Variants in HESX1 observed in about 807,000 individuals in gnomAD.
HESX1 encodes homeobox expressed in ES cells 1.
In HESX1, 11 loss-of-function variants were observed where a neutral mutation model predicts 22.5. The observed-to-expected ratio is 0.49, with a 90% CI of 0.31 to 0.81. HESX1 has a LOEUF of 0.81. Ranked by LOEUF, HESX1 falls within the 30% of genes least tolerant of loss-of-function variation. HESX1 has a pLI of 0.05. For synonymous variants in HESX1, 74 were observed against 76.5 expected (o/e 0.97, Z 0.17); for missense variants, 201 against 212.6 (o/e 0.95, Z 0.34).
chr3:57,198,891 G>A lies in HESX1; in HGVS notation c.219C>T (p.Ser73=), dbSNP rs748972176. 2.2e-5 allele frequency: 36 copies of A among 1,613,924 alleles called. No homozygotes were observed. Among genetic ancestry groups the A allele is most frequent in the African/African-American group, 4.0e-5 (3 of 74,886 alleles). Residue 73 remains serine, a synonymous_variant, in exon 2 of 4, where the codon AGC becomes AGT. Coordinates refer to ENST00000295934, the MANE Select transcript of HESX1 (RefSeq NM_003865.3). ...CTTCTGGCATTGGGTGATCCACCAC[G>A]CTAGGGAATGAAATCCCACTGGGAG... ...PNPPSGISFP[S]VVDHPMPEER...
chr3:57,211,130 A>T (rs921549859), intron 1 of HESX1, among the ~76,000 whole-genome samples: 1 of 151,216 alleles, frequency 6.6e-6, no homozygotes, highest in East Asian at 2.0e-4. Flanking sequence ...AGGCAGGCGA[A>T]TCGCTTGAAC....
At chr3:57,219,280 A>G (rs1285272143) in intron 1 of HESX1, among the ~76,000 whole-genome samples, 1 of 152,104 alleles carries the variant, frequency 6.6e-6, no homozygotes, top group Non-Finnish European at 1.5e-5. Flanking sequence ...CAGTTCTCTA[A>G]TGATCAATGA....
chr3:57,223,290 G>A (rs1434486484), intron 1 of HESX1, among the ~76,000 whole-genome samples: 1 of 152,138 alleles, frequency 6.6e-6, no homozygotes, highest in Non-Finnish European at 1.5e-5. Flanking sequence ...TTGTGTTAAA[G>A]TTCTTGGCCT....
chr3:57,215,862 C>A (rs114270081), intron 1 of HESX1, among the ~76,000 whole-genome samples: 296 of 152,278 alleles, frequency 1.9e-3, no homozygotes, highest in African/African-American at 6.8e-3. Flanking sequence ...GGTCTATTCA[C>A]GATTATAGCT....
intron 1 of HESX1, among the ~76,000 whole-genome samples, chr3:57,218,785 T>C (rs1236908642): frequency 6.6e-6 from 1 of 152,186 alleles, no homozygotes; most frequent in Non-Finnish European, 1.5e-5. Context: ...CTGTGGTGTA[T>C]ATGTACCAAA....
At chr3:57,213,155 C>A in intron 1 of HESX1, among the ~76,000 whole-genome samples, 1 of 152,072 alleles carries the variant, frequency 6.6e-6, no homozygotes, top group South Asian at 2.1e-4. Flanking sequence ...TCAATCTATA[C>A]CCCAGATAAT....
chr3:57,220,424 GTTTA>G (rs998572867), intron 1 of HESX1, among the ~76,000 whole-genome samples: 18 of 151,984 alleles, frequency 1.2e-4, no homozygotes, highest in African/African-American at 3.9e-4. Flanking sequence ...TTTGCCATTT[GTTTA>G]TTTATTTATT....
chr3:57,200,163 AG>A (rs2060477157), upstream of HESX1: 20 of 504,926 alleles, frequency 4.0e-5, 1 homozygote, highest in South Asian at 3.6e-4. Flanking sequence ...TGGCTACACC[AG>A]GGGGGCCACC....
chr3:57,214,165 T>G (rs1250050207), intron 1 of HESX1, among the ~76,000 whole-genome samples: 1 of 152,176 alleles, frequency 6.6e-6, no homozygotes, highest in Non-Finnish European at 1.5e-5. Flanking sequence ...GATGTCTGGG[T>G]TTTGCTTTCA....
intron 2 of HESX1, 97 bp downstream of exon 2, chr3:57,198,656 G>C: frequency 8.5e-7 from 1 of 1,169,982 alleles, no homozygotes; most frequent in Middle Eastern, 2.8e-4. Context: ...CATTAATAAG[G>C]CTTCTAAACT....
At chr3:57,201,861 A>C (rs964755617), upstream of HESX1, among the ~76,000 whole-genome samples, 9 of 146,438 alleles carry the variant, frequency 6.1e-5, no homozygotes, top group Middle Eastern at 3.5e-3. Context: ...TTACATATCT[A>C]TATCTATCTA....
At chr3:57,223,368 T>C (rs2107587070) in intron 1 of HESX1, among the ~76,000 whole-genome samples, 1 of 152,316 alleles carries the variant, frequency 6.6e-6, no homozygotes, top group East Asian at 1.9e-4. Context: ...AACAAAAGCA[T>C]ATACAATTTT....
At chr3:57,206,940 C>T (rs532797535) in intron 1 of HESX1, among the ~76,000 whole-genome samples, 1 of 152,202 alleles carries the variant, frequency 6.6e-6, no homozygotes, top group African/African-American at 2.4e-5. Flanking sequence ...CCATTCTATC[C>T]TTCCTCAGTA....
chr3:57,208,907 C>T (rs2060535277), intron 1 of HESX1, among the ~76,000 whole-genome samples: 2 of 151,642 alleles, frequency 1.3e-5, no homozygotes, highest in African/African-American at 4.8e-5. Context: ...TTGCAGTGAG[C>T]TGATATCATG....
At chr3:57,199,368 TA>T (rs2060468829) in intron 1 of HESX1, among the ~76,000 whole-genome samples, 1 of 152,008 alleles carries the variant, frequency 6.6e-6, no homozygotes, top group African/African-American at 2.4e-5. Flanking sequence ...CCTGTAATCC[TA>T]ACACTTTGGG....
chr3:57,206,120 G>A (rs888564221), intron 1 of HESX1, among the ~76,000 whole-genome samples: 1 of 152,206 alleles, frequency 6.6e-6, no homozygotes, highest in Admixed American at 6.5e-5. Context: ...GAATCCAGGA[G>A]GCAGAGGTGG....
chr3:57,213,891 A>G (rs1232645890), intron 1 of HESX1, among the ~76,000 whole-genome samples: 1 of 152,224 alleles, frequency 6.6e-6, no homozygotes, highest in Admixed American at 6.5e-5. Context: ...ACTGTACTCC[A>G]GCTTGGGCAA....
At chr3:57,209,595 C>A (rs553466841) in intron 1 of HESX1, among the ~76,000 whole-genome samples, 43 of 149,472 alleles carry the variant, frequency 2.9e-4, no homozygotes, top group African/African-American at 8.6e-4. Flanking sequence ...TGAGATCACA[C>A]CATTGCACTC....
chr3:57,214,735 T>G (rs1410414695), intron 1 of HESX1, among the ~76,000 whole-genome samples: 1 of 152,172 alleles, frequency 6.6e-6, no homozygotes, highest in Non-Finnish European at 1.5e-5. Flanking sequence ...GCAGAGATGT[T>G]TCAAGAAAAG....
Sources: allele counts gnomAD v4.1 joint callset (sites outside exome capture counted in the v4.1 genomes callset), GRCh38; gene constraint gnomAD v4.1.1; transcripts MANE v1.5; gene names NCBI Gene and HGNC (gene_info 2026-07-23, HGNC 2026-07-21).